Variants in GALNT2 observed in about 807,000 individuals in gnomAD.
The protein encoded by GALNT2 is UDP-GalNAc:polypeptide N-acetylgalactosaminyltransferase 2.
Under a neutral mutation model 81.4 loss-of-function variants are expected in GALNT2, and 31 were observed. The observed-to-expected ratio is 0.38, with a 90% CI of 0.29 to 0.51. The LOEUF (loss-of-function observed/expected upper bound fraction) is 0.51. Among genes scored for constraint, GALNT2 ranks in the 20% least tolerant of loss-of-function variants. The pLI, the probability that GALNT2 is intolerant of heterozygous loss-of-function variation, is 0.87. For synonymous variants in GALNT2, 303 were observed against 287.4 expected, an observed-to-expected ratio of 1.05 and a Z score of -0.55; for missense variants, 629 against 765.7, an observed-to-expected ratio of 0.82 and a Z score of 2.11.
intron 1 of GALNT2, among the ~76,000 whole-genome samples, chr1:230,171,584 A>G (rs1662795813): frequency 6.6e-6 from 1 of 152,246 alleles, no homozygotes; most frequent in Non-Finnish European, 1.5e-5. Flanking sequence ...CATATATTTC[A>G]GCAAGCAGAG....
chr1:230,111,682 AAATT>A (rs1331479248), intron 1 of GALNT2, among the ~76,000 whole-genome samples: 1 of 152,220 alleles, frequency 6.6e-6, no homozygotes, highest in Non-Finnish European at 1.5e-5. Context: ...TTGTTGCGTT[AAATT>A]AATTGTCAGA....
intron 3 of GALNT2, among the ~76,000 whole-genome samples, chr1:230,231,140 A>G (rs1299502857): frequency 6.6e-6 from 1 of 152,146 alleles, no homozygotes; most frequent in Non-Finnish European, 1.5e-5. Context: ...TGCCTCTCCA[A>G]GTTGCTAGAG....
chr1:230,205,814 G>T (rs1013748434), intron 3 of GALNT2, among the ~76,000 whole-genome samples: 1 of 151,614 alleles, frequency 6.6e-6, no homozygotes, highest in African/African-American at 2.4e-5. Context: ...CCCATGCCAG[G>T]TGCTTCTCCG....
intron 1 of GALNT2, among the ~76,000 whole-genome samples, chr1:230,102,557 G>A (rs753975683): frequency 4.7e-4 from 72 of 152,068 alleles, no homozygotes; most frequent in Non-Finnish European, 9.1e-4. Flanking sequence ...TGGGGGTTCC[G>A]TTTCGAGAGT....
intron 3 of GALNT2, among the ~76,000 whole-genome samples, chr1:230,229,860 A>G (rs1454893615): frequency 1.3e-5 from 2 of 152,258 alleles, no homozygotes; most frequent in South Asian, 4.1e-4. Context: ...ATGAATACAT[A>G]CATGGGTAGT....
In GALNT2 at chr1:230,250,613, G is replaced by A. The variant is rs1665515797; in HGVS notation, c.1009+53G>A. ...AGAGAAGTGCCTCAGCTCTGCAAAAGGCAGGGTGCCAATTGGAAAAAAAAT... is the reference window on the plus strand; with the variant it reads ...AGAGAAGTGCCTCAGCTCTGCAAAAAGCAGGGTGCCAATTGGAAAAAAAAT... On this transcript the variant is annotated intron_variant, in intron 10 of 15. Transcript: ENST00000366672. 2.9e-6 allele frequency: 4 copies of A among 1,393,054 alleles called. No individual in the cohort carries two copies. The Admixed American group carries it at 6.3e-5, about 22-fold the overall frequency. 86.3% of individuals were successfully genotyped at this position (1,393,054 alleles called of 1,614,324 possible).
intron 1 of GALNT2, among the ~76,000 whole-genome samples, chr1:230,149,941 G>A (rs755673799): frequency 7.2e-5 from 11 of 152,228 alleles, no homozygotes; most frequent in South Asian, 6.2e-4. Flanking sequence ...TGACACATGG[G>A]GTGCCTCTGA....
intron 1 of GALNT2, among the ~76,000 whole-genome samples, chr1:230,123,335 T>G (rs1401145156): frequency 6.6e-6 from 1 of 152,200 alleles, no homozygotes; most frequent in Non-Finnish European, 1.5e-5. Context: ...CTGTTGTCTC[T>G]GGGGGCCAAC....
intron 10 of GALNT2, 28 bp downstream of exon 10, chr1:230,250,588 A>G (rs1186573122): frequency 1.3e-6 from 2 of 1,554,686 alleles, no homozygotes; most frequent in Non-Finnish European, 1.8e-6. Context: ...ATCTCAGGAC[A>G]GAGAAGTGCC....
chr1:230,126,731 G>C (rs1661195178), intron 1 of GALNT2, among the ~76,000 whole-genome samples: 1 of 152,174 alleles, frequency 6.6e-6, no homozygotes, highest in Admixed American at 6.5e-5. Context: ...GGGATGGTGG[G>C]AGTTTCTCAT....
chr1:230,278,263 A>T (rs944021053), intron 15 of GALNT2, among the ~76,000 whole-genome samples: 5 of 151,866 alleles, frequency 3.3e-5, no homozygotes, highest in African/African-American at 1.2e-4. Context: ...GACAACAGGC[A>T]TGCACCACCA....
chr1:230,158,589 G>A (rs1451972741), intron 1 of GALNT2, among the ~76,000 whole-genome samples: 1 of 152,220 alleles, frequency 6.6e-6, no homozygotes, highest in Non-Finnish European at 1.5e-5. Context: ...AGTGGAAGCA[G>A]CTGGTCAGGG....
chr1:230,109,325 G>T (rs781658236), intron 1 of GALNT2, among the ~76,000 whole-genome samples: 2 of 152,210 alleles, frequency 1.3e-5, no homozygotes, highest in Admixed American at 6.5e-5. Context: ...GGCTCCCTCG[G>T]GGTGTAGCAG....
intron 1 of GALNT2, among the ~76,000 whole-genome samples, chr1:230,149,964 C>G (rs1008588199): frequency 6.6e-6 from 1 of 152,212 alleles, no homozygotes; most frequent in Non-Finnish European, 1.5e-5. Flanking sequence ...GCTTCTCACT[C>G]TTGATTTAAT....
At chr1:230,159,873 T>C (rs577908227) in intron 1 of GALNT2, among the ~76,000 whole-genome samples, 2 of 152,360 alleles carry the variant, frequency 1.3e-5, no homozygotes, top group South Asian at 4.1e-4. Context: ...GGCCTTTGGC[T>C]GGATCCCTGT....
At chr1:230,166,077 T>C (rs1662591973) in intron 1 of GALNT2, among the ~76,000 whole-genome samples, 1 of 151,962 alleles carries the variant, frequency 6.6e-6, no homozygotes, top group Non-Finnish European at 1.5e-5. Context: ...TAATAAGCCA[T>C]GACAGTGTCC....
chr1:230,111,070 A>G (rs553909703), intron 1 of GALNT2, among the ~76,000 whole-genome samples: 1 of 152,326 alleles, frequency 6.6e-6, no homozygotes, highest in African/African-American at 2.4e-5. Flanking sequence ...GTGTACATAC[A>G]TATGTACACA....
intron 3 of GALNT2, among the ~76,000 whole-genome samples, chr1:230,205,387 T>TA (rs1463850790): frequency 6.6e-6 from 1 of 152,202 alleles, no homozygotes; most frequent in African/African-American, 2.4e-5. Context: ...TGTGTGTTAA[T>TA]ATCTGATACA....
At chr1:230,092,195 T>TTTGTTTTTTTTTA (rs1660112138) in intron 1 of GALNT2, among the ~76,000 whole-genome samples, 1 of 150,028 alleles carries the variant, frequency 6.7e-6, no homozygotes. Context: ...TTTTTTTTTT[T>TTTGTTTTTTTTTA]TGCACTGATC....
Sources: allele counts gnomAD v4.1 joint callset (sites outside exome capture counted in the v4.1 genomes callset), GRCh38; gene constraint gnomAD v4.1.1; transcripts MANE v1.5; gene names NCBI Gene and HGNC (gene_info 2026-07-23, HGNC 2026-07-21).